Variants in DCT observed in about 807,000 individuals in gnomAD.
DCT encodes dopachrome tautomerase.
DCT carries 47 observed loss-of-function variants against 53.0 expected under a neutral mutation model. The ratio of observed to expected loss-of-function variants is 0.89; its 90% CI spans 0.70 to 1.13. DCT has a LOEUF of 1.13. Among genes scored for constraint, DCT ranks in the 50% most tolerant of loss-of-function variants. The pLI is 0.00. For missense variants in DCT, 669 were observed against 637.4 expected, an observed-to-expected ratio of 1.05 and a Z score of -0.53; for synonymous variants, 244 against 237.0, an observed-to-expected ratio of 1.03 and a Z score of -0.27.
At chr13:94,450,360 G>A (rs535240889) in intron 6 of DCT, among the ~76,000 whole-genome samples, 1 of 152,302 alleles carries the variant, frequency 6.6e-6, no homozygotes, top group South Asian at 2.1e-4. Context: ...TCCAGGCAGG[G>A]CGCAGCAAGG....
rs151203596 is a variant in DCT, at chr13:94,479,274, GCT to G, written c.-21_-20del. 1,970 of 1,494,306 alleles carry G rather than the reference GCT, an allele frequency of 1.3e-3. 2 individuals carry two copies. Among genetic ancestry groups the G allele is most frequent in the South Asian group, 5.8e-3 (447 of 77,562 alleles). The allele number at this position is 1,494,306 out of a possible 1,614,324, so 92.6% of individuals were successfully genotyped here. A position where few individuals can be genotyped will look rare whatever the true frequency, so the allele number is the denominator to read the frequency against. Reference sequence around the variant, plus strand: ...GGCTCATGGCTTTATAATTGGGAGAGCTCTCTCTCTCTCTTACTTTCCTTGTC... The same window carrying G: ...GGCTCATGGCTTTATAATTGGGAGAGCTCTCTCTCTCTTACTTTCCTTGTC... On this transcript the variant is annotated 5_prime_UTR_variant, in exon 1 of 8. Transcript: ENST00000377028.
chr13:94,465,629 T>C lies in DCT; in HGVS notation c.863+4A>G, dbSNP rs1433683417. 3.7e-6 allele frequency: 6 copies of C among 1,612,562 alleles called. No homozygotes were observed. Among genetic ancestry groups the C allele is most frequent in the Non-Finnish European group, 5.1e-6 (6 of 1,179,230 alleles). On this transcript the variant is annotated splice_donor_region_variant and intron_variant, in intron 4 of 7. Coordinates refer to ENST00000377028, the MANE Select transcript of DCT (RefSeq NM_001922.5). The stretch of plus-strand genomic sequence containing the variant: ...GATGCCATTGCAGGTACAGGAGCCA[T>C]TACCTATCACAGACAGTTTCCCAGC...
the DCT span, among the ~76,000 whole-genome samples, chr13:94,491,627 C>T: frequency 6.6e-6 from 1 of 152,134 alleles, no homozygotes; most frequent in African/African-American, 2.4e-5. Flanking sequence ...CTGAACACAT[C>T]CTCAAACTTT....
At chr13:94,526,948 A>G in the DCT span, among the ~76,000 whole-genome samples, 2 of 151,988 alleles carry the variant, frequency 1.3e-5, no homozygotes, top group African/African-American at 4.8e-5. Context: ...AGTCTTAGCA[A>G]CTGGCAGACC....
At chr13:94,490,539 C>T in the DCT span, among the ~76,000 whole-genome samples, 1 of 82,160 alleles carries the variant, frequency 1.2e-5, no homozygotes, top group Admixed American at 1.2e-4. Context: ...AAACAACTAA[C>T]CATGGTGTCT....
At chr13:94,519,602 C>T in the DCT span, among the ~76,000 whole-genome samples, 1 of 152,186 alleles carries the variant, frequency 6.6e-6, no homozygotes, top group Admixed American at 6.5e-5. Context: ...CACAAGGAAA[C>T]ATTGTCAGGA....
At chr13:94,449,612 A>G (rs551021124) in intron 6 of DCT, among the ~76,000 whole-genome samples, 43 of 152,252 alleles carry the variant, frequency 2.8e-4, no homozygotes, top group Non-Finnish European at 5.9e-4. Context: ...ACACAGGTCC[A>G]TATGGGAACT....
chr13:94,501,270 A>G, the DCT span, among the ~76,000 whole-genome samples: 1 of 152,184 alleles, frequency 6.6e-6, no homozygotes, highest in African/African-American at 2.4e-5. Flanking sequence ...CTCCGTCTCA[A>G]ATAAATAAAT....
chr13:94,527,397 A>G, the DCT span, among the ~76,000 whole-genome samples: 1 of 152,096 alleles, frequency 6.6e-6, no homozygotes, highest in Non-Finnish European at 1.5e-5. Flanking sequence ...AGACACCTCA[A>G]ACAGGCAGGT....
At chr13:94,491,543 A>C in the DCT span, among the ~76,000 whole-genome samples, 130,999 of 152,132 alleles carry the variant, frequency 0.86, 57,075 homozygotes, top group African/African-American at 0.95. Flanking sequence ...ACAATTCAAC[A>C]GATAACAGAT....
the DCT span, among the ~76,000 whole-genome samples, chr13:94,513,987 CA>C: frequency 0.01 from 534 of 53,162 alleles, no homozygotes; most frequent in African/African-American, 0.023. Context: ...AACTCTGTCT[CA>C]AAAAAAAAAA....
intron 5 of DCT, 95 bp from the exon 6 acceptor site, chr13:94,460,321 G>A (rs190040854): frequency 7.6e-4 from 897 of 1,178,268 alleles, no homozygotes; most frequent in Non-Finnish European, 1.0e-3. Context: ...TCTAATTTGA[G>A]ATTGGGTAGG....
intron 1 of DCT, among the ~76,000 whole-genome samples, chr13:94,471,439 G>T (rs890961706): frequency 6.6e-6 from 1 of 152,088 alleles, no homozygotes; most frequent in African/African-American, 2.4e-5. Flanking sequence ...CAATGTTTTT[G>T]AATAGTTTAA....
rs1235608595 is a variant in DCT, at chr13:94,466,556, A to T, written c.696+2T>A. 1 of 1,595,202 alleles carries T rather than the reference A, an allele frequency of 6.3e-7. No homozygotes were observed. The highest frequency in any genetic ancestry group is 1.3e-5 in the African/African-American group (1 of 74,232). ...AGAACTAAATGCATAGTTTTGACCT[A>T]CCTGGAGATCTCTTTCCAGACACAA... On this transcript the variant is annotated splice_donor_variant, in intron 3 of 7. Coordinates refer to ENST00000377028, the MANE Select transcript of DCT (RefSeq NM_001922.5). LOFTEE classifies it high-confidence loss of function.
intron 6 of DCT, among the ~76,000 whole-genome samples, chr13:94,456,061 A>G (rs1028347269): frequency 6.6e-6 from 1 of 152,242 alleles, no homozygotes; most frequent in Admixed American, 6.5e-5. Flanking sequence ...GATGTGAACT[A>G]TCAAGTTAAA....
chr13:94,472,553 TATATATATATATATA>T (rs1313819616), intron 1 of DCT, among the ~76,000 whole-genome samples: 13 of 31,862 alleles, frequency 4.1e-4, no homozygotes, highest in East Asian at 1.1e-3. Flanking sequence ...TATATATATA[TATATATATATATATA>T]TTTTTTTTTT....
At chr13:94,510,328 C>G in the DCT span, among the ~76,000 whole-genome samples, 2 of 152,164 alleles carry the variant, frequency 1.3e-5, no homozygotes, top group Non-Finnish European at 2.9e-5. Context: ...AAGTGATCAT[C>G]CTGTGTAGCC....
the DCT span, among the ~76,000 whole-genome samples, chr13:94,509,139 G>A: frequency 6.6e-6 from 1 of 152,172 alleles, no homozygotes; most frequent in South Asian, 2.1e-4. Flanking sequence ...GAAATAAGAG[G>A]CTGAATCAGA....
chr13:94,529,691 A>C, the DCT span, among the ~76,000 whole-genome samples: 1 of 152,238 alleles, frequency 6.6e-6, no homozygotes, highest in Non-Finnish European at 1.5e-5. Context: ...GAAAGCAGGA[A>C]ATATCTCAAA....
Sources: allele counts gnomAD v4.1 joint callset (sites outside exome capture counted in the v4.1 genomes callset), GRCh38; gene constraint gnomAD v4.1.1; transcripts MANE v1.5; gene names NCBI Gene and HGNC (gene_info 2026-07-23, HGNC 2026-07-21).